Variants in POT1 observed in about 807,000 individuals in gnomAD.
POT1 encodes the protein protection of telomeres protein 1.
A neutral mutation model predicts 78.5 loss-of-function variants in POT1; 47 were observed. The ratio of observed to expected loss-of-function variants is 0.60; its 90% confidence interval spans 0.47 to 0.76. The LOEUF is 0.76. POT1 is among the 30% of genes least tolerant of loss of function. The pLI is 0.00. For missense variants in POT1, 646 were observed against 749.9 expected (o/e 0.86, Z 1.62); for synonymous variants, 259 against 260.7 (o/e 0.99, Z 0.06).
chr7:124,837,557 C>T (rs941883094), intron 14 of POT1, among the ~76,000 whole-genome samples: 7 of 151,978 alleles, frequency 4.6e-5, no homozygotes, highest in African/African-American at 1.7e-4. Context: ...AGGTCTATGT[C>T]TATAGAGAAA....
At chr7:124,855,481 T>A (rs1303866931) in intron 9 of POT1, among the ~76,000 whole-genome samples, 2 of 151,846 alleles carry the variant, frequency 1.3e-5, no homozygotes, top group Non-Finnish European at 2.9e-5. Context: ...GGAGGCAGCA[T>A]TGTATTTTTT....
At chr7:124,828,941 T>C (rs761747219) in intron 16 of POT1, 4 of 605,208 alleles carry the variant, frequency 6.6e-6, no homozygotes, top group Non-Finnish European at 1.3e-5. Flanking sequence ...CCAAACAACA[T>C]CTGCAGCACA....
chr7:124,862,470 T>C (rs1426030815), intron 8 of POT1, among the ~76,000 whole-genome samples: 1 of 152,194 alleles, frequency 6.6e-6, no homozygotes, highest in African/African-American at 2.4e-5. Flanking sequence ...ATATTTGACT[T>C]ATTTAACTTT....
At chr7:124,852,886 AC>A in intron 10 of POT1, 85 bp downstream of exon 10, 2 of 1,207,552 alleles carry the variant, frequency 1.7e-6, no homozygotes. Flanking sequence ...AGGCTAGGGA[AC>A]TATCAGAAGC....
chr7:124,838,039 T>C (rs558560206), intron 14 of POT1, among the ~76,000 whole-genome samples: 2 of 152,118 alleles, frequency 1.3e-5, no homozygotes, highest in East Asian at 1.9e-4. Flanking sequence ...ACTAGGAATA[T>C]TGGGGAACTT....
intron 3 of POT1, among the ~76,000 whole-genome samples, chr7:124,907,999 T>A (rs1460421123): frequency 6.6e-6 from 1 of 152,054 alleles, no homozygotes; most frequent in Non-Finnish European, 1.5e-5. Context: ...ACAAGACTCA[T>A]GTATTAGTTT....
chr7:124,871,123 C>A, intron 6 of POT1, 82 bp from the exon 7 acceptor site: 1 of 1,194,672 alleles, frequency 8.4e-7, no homozygotes, highest in South Asian at 1.8e-5. Flanking sequence ...CTTCAAAACA[C>A]CAAACCTTAT....
chr7:124,880,756 T>C (rs182536846), intron 6 of POT1, among the ~76,000 whole-genome samples: 1 of 152,074 alleles, frequency 6.6e-6, no homozygotes, highest in East Asian at 1.9e-4. Flanking sequence ...AGAATCTTTG[T>C]GCAAGTTAGA....
At chr7:124,836,649 C>T (rs1055378076) in intron 14 of POT1, among the ~76,000 whole-genome samples, 2 of 152,148 alleles carry the variant, frequency 1.3e-5, no homozygotes, top group African/African-American at 2.4e-5. Flanking sequence ...GCCAGTCACA[C>T]GAGTTTGGCT....
intron 7 of POT1, among the ~76,000 whole-genome samples, chr7:124,869,605 C>G (rs1456970930): frequency 1.8e-4 from 28 of 151,968 alleles, no homozygotes; most frequent in Non-Finnish European, 7.4e-5. Flanking sequence ...ATTTTTGAGT[C>G]AGAGTTTTCT....
intron 7 of POT1, 73 bp from the exon 8 acceptor site, chr7:124,863,713 G>T (rs1290714785): frequency 3.0e-5 from 35 of 1,166,806 alleles, no homozygotes; most frequent in Non-Finnish European, 4.2e-5. Context: ...ACGAACCAAA[G>T]AAACTGGAAA....
chr7:124,911,815 G>A (rs73223584), intron 3 of POT1, among the ~76,000 whole-genome samples: 5,560 of 152,172 alleles, frequency 0.037, 134 homozygotes, highest in South Asian at 0.094. Flanking sequence ...GCTTGAAATG[G>A]ATCTTTATTC....
At chr7:124,925,352 T>C (rs1178207732) in intron 2 of POT1, among the ~76,000 whole-genome samples, 5 of 151,904 alleles carry the variant, frequency 3.3e-5, no homozygotes, top group Middle Eastern at 3.2e-3. Context: ...TGCAATCCCA[T>C]TTACAACAGC....
rs1562981898 is a variant in POT1, at chr7:124,842,898, G to A, written c.1072C>T (p.Gln358Ter). 1 of 1,609,080 alleles carries A rather than the reference G, an allele frequency of 6.2e-7. No homozygotes were observed. Among genetic ancestry groups the A allele is most frequent in the Non-Finnish European group, 8.5e-7 (1 of 1,178,102 alleles). Residue 358 changes from glutamine (Q) to a stop codon, truncating the protein, a stop_gained, in exon 13 of 19, where the codon CAA becomes TAA. Transcript: ENST00000357628. LOFTEE classifies it high-confidence loss of function. Reference sequence around the variant, plus strand: ...AATTTTGCTCGGATGCGGTATTGTTGAGGAGCTTTTTGTTTCAAAATGGCA... The same window carrying A: ...AATTTTGCTCGGATGCGGTATTGTTAAGGAGCTTTTTGTTTCAAAATGGCA... ...LCAILKQKAP[Q>*]QYRIRAKLRS... is the part of the protein sequence containing the mutation.
In POT1 at chr7:124,853,073, C is replaced by G. The variant is rs577386630; in HGVS notation, c.768G>C (p.Gln256His). ...TKLQSMNSEN[Q>H]TMLSLEFHLH... ...GATGAAACTCTAAACTTAACATTGT[C>G]TGATTCTCTGAATTCATTGATTGAA... Residue 256 changes from glutamine to histidine, a missense_variant, in exon 10 of 19, where the codon CAG (glutamine) becomes CAC (histidine). Gln to His is a conservative substitution (Grantham distance 24, BLOSUM62 0). Around this residue, in one of 2 missense-constraint regions of POT1, gnomAD observed 252 missense variants for 341.4 expected, o/e 0.74. Transcript: ENST00000357628. 1.4e-5 allele frequency: 22 copies of G among 1,609,888 alleles called. No homozygotes were observed. The highest frequency in any genetic ancestry group is 1.7e-5 in the Non-Finnish European group (20 of 1,176,446).
intron 11 of POT1, chr7:124,848,439 C>A (rs532154812): frequency 6.6e-6 from 1 of 152,232 alleles, no homozygotes; most frequent in Admixed American, 6.6e-5. Flanking sequence ...CCGAGGCGGG[C>A]AGATTATCTA....
chr7:124,902,436 G>A (rs1338169991), intron 3 of POT1, among the ~76,000 whole-genome samples: 1 of 152,150 alleles, frequency 6.6e-6, no homozygotes, highest in Non-Finnish European at 1.5e-5. Context: ...AGCTTCTTAA[G>A]TGAAGGAGAA....
At chr7:124,928,083 C>T (rs1797318192) in intron 2 of POT1, among the ~76,000 whole-genome samples, 1 of 151,992 alleles carries the variant, frequency 6.6e-6, no homozygotes, top group Non-Finnish European at 1.5e-5. Context: ...CTACCTAACG[C>T]ATGGAAAAAA....
At chr7:124,905,531 C>A (rs1796743625) in intron 3 of POT1, among the ~76,000 whole-genome samples, 1 of 151,226 alleles carries the variant, frequency 6.6e-6, no homozygotes, top group Non-Finnish European at 1.5e-5. Flanking sequence ...AAAAAAAAAA[C>A]CCTAGAAGAA....
Sources: gnomAD v4.1 joint callset for allele counts (sites outside exome capture counted in the v4.1 genomes callset) on GRCh38, gnomAD v4.1.1 for gene constraint, gnomAD v4.1.1 regional missense constraint, MANE v1.5 for transcripts, NCBI Gene and HGNC (gene_info 2026-07-23, HGNC 2026-07-21) for gene names.